OARD1: variants seen among roughly 807,000 people sequenced by gnomAD.
OARD1 encodes O-acyl-ADP-ribose deacylase 1.
Under a neutral mutation model 19.7 loss-of-function variants are expected in OARD1, and 19 were observed. The observed-to-expected ratio is 0.96, with a 90% confidence interval of 0.67 to 1.41. OARD1 has a LOEUF of 1.41. Ranked by LOEUF, OARD1 falls within the 40% of genes most tolerant of loss-of-function variation. OARD1 has a pLI of 0.00. For synonymous variants in OARD1, 70 were observed against 61.8 expected (o/e 1.13, Z -0.62); for missense variants, 190 against 183.8 (o/e 1.03, Z -0.20).
chr6:41,082,780 T>G (rs1158897176), intron 1 of OARD1, among the ~76,000 whole-genome samples: 1 of 152,164 alleles, frequency 6.6e-6, no homozygotes, highest in African/African-American at 2.4e-5. Flanking sequence ...GGGATTTGAT[T>G]TGGAATGGGG....
chr6:41,095,934 C>T (rs1764345010), intron 1 of OARD1, among the ~76,000 whole-genome samples: 1 of 152,200 alleles, frequency 6.6e-6, no homozygotes, highest in African/African-American at 2.4e-5. Flanking sequence ...ACCAAGCAAT[C>T]AGTGTTTCTT....
chr6:41,097,140 G>A (rs1386336311), intron 1 of OARD1, among the ~76,000 whole-genome samples: 2 of 152,194 alleles, frequency 1.3e-5, no homozygotes, highest in Non-Finnish European at 2.9e-5. Flanking sequence ...ATGGAGTGCA[G>A]GCCAGACTTT....
At chr6:41,097,415 ACG>A in intron 1 of OARD1, 1 of 1,613,794 alleles carries the variant, frequency 6.2e-7, no homozygotes, top group Non-Finnish European at 8.5e-7. Flanking sequence ...TCCTAACCCC[ACG>A]CCATGTGATG....
At chr6:41,086,702 G>A (rs1764054607) in intron 1 of OARD1, among the ~76,000 whole-genome samples, 1 of 152,094 alleles carries the variant, frequency 6.6e-6, no homozygotes, top group South Asian at 2.1e-4. Flanking sequence ...CTTGGCCTGA[G>A]AAAGATACTG....
intron 1 of OARD1, chr6:41,092,893 T>C: frequency 6.2e-7 from 1 of 1,608,682 alleles, no homozygotes; most frequent in Non-Finnish European, 8.5e-7. Context: ...CAATAAGCTC[T>C]GGTTTCCTGT....
chr6:41,082,789 G>T (rs547285408), intron 1 of OARD1, among the ~76,000 whole-genome samples: 85 of 152,276 alleles, frequency 5.6e-4, no homozygotes, highest in Admixed American at 1.5e-3. Context: ...TTTGGAATGG[G>T]GAAATAAGGG....
intron 5 of OARD1, 100 bp downstream of exon 5, chr6:41,068,741 T>C (rs931791286): frequency 4.4e-6 from 3 of 688,150 alleles, no homozygotes; most frequent in Non-Finnish European, 6.9e-6. Context: ...CACCTTTAAA[T>C]CTATATTTTG....
chr6:41,071,005 G>T, intron 3 of OARD1, 127 bp downstream of exon 3: 1 of 986,434 alleles, frequency 1.0e-6, no homozygotes, highest in Non-Finnish European at 1.6e-6. Flanking sequence ...GCCATTCTTG[G>T]GGAGGAAAAT....
intron 1 of OARD1, among the ~76,000 whole-genome samples, chr6:41,095,535 A>G (rs979928952): frequency 5.3e-5 from 8 of 151,966 alleles, no homozygotes; most frequent in Non-Finnish European, 4.4e-5. Context: ...AGCTCAAGTG[A>G]TCCTCCCACT....
At chr6:41,093,876 C>T (rs1201896925) in intron 1 of OARD1, among the ~76,000 whole-genome samples, 1 of 152,170 alleles carries the variant, frequency 6.6e-6, no homozygotes, top group African/African-American at 2.4e-5. Context: ...TAGGAAAGTC[C>T]AGCCTGGTGT....
At position 41,071,649 on chromosome 6, in the gene OARD1, A is replaced by G. The variant is rs780313500; in HGVS notation, c.-15T>C. On this transcript the variant is annotated 5_prime_UTR_variant, in exon 2 of 6. Coordinates refer to ENST00000424266, the MANE Select transcript of OARD1 (RefSeq NM_001329686.2). ...CTGCTGGCCATGATACTGAGTCGCTATTTCCAGAATTTAAGTGTTTCTTCA... is the reference window on the plus strand; with the variant it reads ...CTGCTGGCCATGATACTGAGTCGCTGTTTCCAGAATTTAAGTGTTTCTTCA... 7.5e-6 allele frequency: 12 copies of G among 1,610,576 alleles called. No individual in the cohort carries two copies. Among genetic ancestry groups the G allele is most frequent in the Non-Finnish European group, 5.1e-6 (6 of 1,176,824 alleles).
chr6:41,073,579 C>G (rs1158055912), upstream of OARD1, among the ~76,000 whole-genome samples: 2 of 152,050 alleles, frequency 1.3e-5, no homozygotes, highest in Non-Finnish European at 2.9e-5. Flanking sequence ...GCTCCCCGCT[C>G]CCAGCGAGCC....
chr6:41,080,881 T>C, intron 1 of OARD1: 1 of 1,613,942 alleles, frequency 6.2e-7, no homozygotes, highest in Non-Finnish European at 8.5e-7. Context: ...GGCCAGCAAG[T>C]CCAGACCCTC....
intron 4 of OARD1, chr6:41,069,844 G>A (rs1184992404): frequency 2.6e-5 from 15 of 579,692 alleles, no homozygotes; most frequent in Non-Finnish European, 4.1e-5. Context: ...CATGATACAC[G>A]ACTTTCCCAC....
rs1763494648 is a variant in OARD1, at chr6:41,072,347, C to G, written c.-153G>C. The G allele has an allele frequency of 6.6e-6, 1 of 152,370 alleles. No individual in the cohort carries two copies. The highest frequency in any genetic ancestry group is 2.1e-4 in the South Asian group (1 of 4,840). The allele number at this position is 152,370 out of a possible 1,614,324, so 9.4% of individuals were successfully genotyped here. ...AGTCACCCTTCACCTGGAAAGGAGT[C>G]GGTTGTTTGGAGGTCCCCGCCCCGC... On this transcript the variant is annotated 5_prime_UTR_variant, in exon 1 of 6. Transcript: ENST00000424266.
intron 1 of OARD1, chr6:41,080,719 GTCTC>G: frequency 9.6e-7 from 1 of 1,038,772 alleles, no homozygotes; most frequent in Non-Finnish European, 1.5e-6. Context: ...TCAGGCTTCC[GTCTC>G]TCTCCTCCAA....
At chr6:41,090,207 C>T in intron 1 of OARD1, 1 of 1,607,400 alleles carries the variant, frequency 6.2e-7, no homozygotes, top group Non-Finnish European at 8.5e-7. Context: ...CCTCCAGACA[C>T]AGCAGCAGAT....
intron 1 of OARD1, chr6:41,080,955 T>G (rs1382626588): frequency 3.6e-5 from 49 of 1,369,590 alleles, no homozygotes; most frequent in Non-Finnish European, 4.2e-6. Context: ...TCCTCATGTC[T>G]GGTGCTGTTT....
At chr6:41,069,722 C>T (rs1382287958) in intron 4 of OARD1, 1 of 282,560 alleles carries the variant, frequency 3.5e-6, no homozygotes, top group Non-Finnish European at 6.7e-6. Flanking sequence ...GAGAAAAGCT[C>T]CTTTGGGAAA....
Sources: allele counts gnomAD v4.1 joint callset (sites outside exome capture counted in the v4.1 genomes callset), GRCh38; gene constraint gnomAD v4.1.1; transcripts MANE v1.5; gene names NCBI Gene and HGNC (gene_info 2026-07-23, HGNC 2026-07-21).